Variants in OLFML2A observed in about 807,000 individuals in gnomAD.
OLFML2A encodes olfactomedin like 2A.
Under a neutral mutation model 60.9 loss-of-function variants are expected in OLFML2A, and 47 were observed. The ratio of observed to expected loss-of-function variants is 0.77; its 90% CI spans 0.61 to 0.98. OLFML2A has a LOEUF of 0.98. Ranked by LOEUF, OLFML2A falls within the 50% of genes least tolerant of loss-of-function variation. The pLI is 0.00. For missense variants in OLFML2A, 922 were observed against 879.8 expected (o/e 1.05, Z -0.61); for synonymous variants, 372 against 375.0 (o/e 0.99, Z 0.09).
At chr9:124,783,339 G>A (rs1841398347) in intron 1 of OLFML2A, among the ~76,000 whole-genome samples, 2 of 152,176 alleles carry the variant, frequency 1.3e-5, no homozygotes, top group South Asian at 4.1e-4. Context: ...GGACATGGTG[G>A]CACATGCCTG....
Position 124,786,856 on chromosome 9 carries a change from G to A in OLFML2A, c.91-119G>A, listed in dbSNP as rs1841483535. 1.0e-5 allele frequency: 10 copies of A among 973,228 alleles called. No individual in the cohort carries two copies. The South Asian group carries it at 1.2e-4, about 12-fold the overall frequency. The allele number at this position is 973,228 out of a possible 1,614,324, so 60.3% of individuals were successfully genotyped here. ...CCTCTAATTGCACCCCCTCCTACCT[G>A]CCAAACACTCTCATCCCAAGGCTGG... is the stretch of plus-strand genomic sequence containing the variant. On this transcript the variant is annotated intron_variant, in intron 1 of 7. Transcript: ENST00000373580.
intron 6 of OLFML2A, among the ~76,000 whole-genome samples, chr9:124,806,927 T>A (rs536563615): frequency 1.4e-4 from 21 of 151,864 alleles, no homozygotes; most frequent in East Asian, 1.9e-4. Flanking sequence ...TTATTTATTT[T>A]TTTTGAGGCG....
chr9:124,802,876 A>G (rs959774504), intron 5 of OLFML2A, among the ~76,000 whole-genome samples: 1 of 152,160 alleles, frequency 6.6e-6, no homozygotes, highest in African/African-American at 2.4e-5. Flanking sequence ...CATCATAGTA[A>G]TAACAGCACC....
intron 2 of OLFML2A, among the ~76,000 whole-genome samples, chr9:124,791,624 G>A (rs1484087181): frequency 1.3e-5 from 2 of 151,158 alleles, no homozygotes; most frequent in Non-Finnish European, 2.9e-5. Context: ...TATAATCCCA[G>A]CTACTTGGGA....
chr9:124,786,580 G>A (rs545541135), intron 1 of OLFML2A, among the ~76,000 whole-genome samples: 2 of 152,022 alleles, frequency 1.3e-5, no homozygotes, highest in African/African-American at 4.8e-5. Context: ...AATTAGCCGG[G>A]CGTGATGGCG....
chr9:124,779,547 T>TGG lies in OLFML2A; in HGVS notation c.90+2196_90+2197dup, dbSNP rs33992732. On this transcript the variant is annotated intron_variant, in intron 1 of 7. Transcript: ENST00000373580. The surrounding 1 kb of genome is among the most constrained non-coding windows in gnomAD (Gnocchi z 4.1). ...CTTGCTAGGTTGTGTGTGTGTGTGG[T>TGG]GGGGGGGGGGTGTTTAGCTGTCCCA... 6.6e-4 allele frequency among the ~76,000 whole-genome samples: 88 copies of TGG among 133,254 alleles called. No individual in the cohort carries two copies. In the South Asian group the frequency reaches 0.014, roughly 21 times the overall value. The allele number at this position is 133,254 out of a possible 152,430, so 87.4% of individuals were successfully genotyped here.
intron 6 of OLFML2A, among the ~76,000 whole-genome samples, chr9:124,806,561 T>C (rs561318900): frequency 6.6e-6 from 1 of 152,230 alleles, no homozygotes; most frequent in South Asian, 2.1e-4. Flanking sequence ...TACTCTCTGC[T>C]TTTATGAGTT....
chr9:124,807,864 T>C lies in OLFML2A; in HGVS notation c.1252T>C (p.Trp418Arg), dbSNP rs200971082. Reference sequence around the variant, plus strand: ...CAGCTATGGGCGCCACGAGGGAGCCTGGATGAAGGACCCTGCAGCTCGAGA... The same window carrying C: ...CAGCTATGGGCGCCACGAGGGAGCCCGGATGAAGGACCCTGCAGCTCGAGA... Reference protein sequence around the residue: ...HHSYGRHEGAWMKDPAARDDR... With the variant: ...HHSYGRHEGARMKDPAARDDR... The change falls in exon 7 of 8, where the codon TGG (tryptophan) becomes CGG (arginine). Residue 418 changes from tryptophan (W) to arginine (R), a missense_variant. Physicochemically the swap from Trp to Arg is moderately radical, Grantham distance 101. Coordinates refer to ENST00000373580, the MANE Select transcript of OLFML2A (RefSeq NM_182487.4). 26 of 1,614,010 alleles carry C rather than the reference T, an allele frequency of 1.6e-5. No homozygotes were observed. The highest frequency in any genetic ancestry group is 3.3e-5 in the Admixed American group (2 of 60,006).
intron 2 of OLFML2A, among the ~76,000 whole-genome samples, chr9:124,788,508 A>AGGCAG (rs1187047633): frequency 6.6e-6 from 1 of 152,178 alleles, no homozygotes; most frequent in Non-Finnish European, 1.5e-5. Flanking sequence ...TGGGAGGCTG[A>AGGCAG]GGCAGGAGAA....
At chr9:124,805,853 C>T (rs550280643) in intron 6 of OLFML2A, among the ~76,000 whole-genome samples, 8 of 115,068 alleles carry the variant, frequency 7.0e-5, no homozygotes, top group South Asian at 3.0e-4. Context: ...TCTGACTCTG[C>T]GGTCCAGGCT....
intron 2 of OLFML2A, among the ~76,000 whole-genome samples, chr9:124,790,288 G>A (rs1470163049): frequency 6.6e-6 from 1 of 151,992 alleles, no homozygotes; most frequent in Non-Finnish European, 1.5e-5. Flanking sequence ...TCTCATCTCA[G>A]CCTCCTGAGT....
chr9:124,800,638 C>A (rs988033383), intron 4 of OLFML2A, among the ~76,000 whole-genome samples: 1 of 152,246 alleles, frequency 6.6e-6, no homozygotes, highest in African/African-American at 2.4e-5. Context: ...AGCTAGGAAG[C>A]CTGTGCCTTG....
rs756904695 is a variant in OLFML2A at position 124,807,825 on chromosome 9, C to A, written c.1213C>A (p.Pro405Thr). ...CEGTLRAVDPPVRHHSYGRHE... is the reference protein window; with the variant it reads ...CEGTLRAVDPTVRHHSYGRHE... The stretch of plus-strand genomic sequence containing the variant: ...GGGCACCCTCCGGGCTGTGGACCCC[C>A]CTGTGAGGCACCACAGCTATGGGCG... Residue 405 changes from proline to threonine, a missense_variant, in exon 7 of 8, where the codon CCT (proline) becomes ACT (threonine). By Grantham distance (38) the Pro-to-Thr change is conservative. Transcript: ENST00000373580. The A allele has an allele frequency of 2.5e-6, 4 of 1,613,946 alleles. No individual in the cohort carries two copies. The highest frequency in any genetic ancestry group is 1.1e-5 in the South Asian group (1 of 91,086).
intron 1 of OLFML2A, among the ~76,000 whole-genome samples, chr9:124,785,558 C>T (rs1348459988): frequency 2.0e-5 from 3 of 151,828 alleles, no homozygotes; most frequent in Admixed American, 6.6e-5. Context: ...CCATCACGCC[C>T]GGCTAATTTT....
intron 7 of OLFML2A, among the ~76,000 whole-genome samples, chr9:124,809,136 C>T (rs1841954338): frequency 6.6e-6 from 1 of 152,036 alleles, no homozygotes; most frequent in African/African-American, 2.4e-5. Context: ...CACTGCACTC[C>T]AGCCTGGATG....
intron 2 of OLFML2A, among the ~76,000 whole-genome samples, chr9:124,792,289 G>A (rs920543231): frequency 6.6e-6 from 1 of 151,890 alleles, no homozygotes; most frequent in Non-Finnish European, 1.5e-5. Context: ...CACTGCCTCT[G>A]TCCCCTGATC....
At chr9:124,791,606 C>T (rs756726617) in intron 2 of OLFML2A, among the ~76,000 whole-genome samples, 6 of 151,806 alleles carry the variant, frequency 4.0e-5, no homozygotes, top group African/African-American at 4.8e-5. Context: ...AGTATGGTGG[C>T]GGGCACCTAT....
intron 5 of OLFML2A, 75 bp downstream of exon 5, chr9:124,801,738 AGT>A (rs1841783603): frequency 6.8e-7 from 1 of 1,471,476 alleles, no homozygotes; most frequent in African/African-American, 1.4e-5. Flanking sequence ...TCTTCTCTGC[AGT>A]GGGACCACCC....
At chr9:124,801,872 A>C (rs1216461087) in intron 5 of OLFML2A, among the ~76,000 whole-genome samples, 2 of 152,208 alleles carry the variant, frequency 1.3e-5, no homozygotes, top group Non-Finnish European at 2.9e-5. Context: ...AGGGCCACTC[A>C]GTGGCTTTTC....
Sources: gnomAD v4.1 joint callset for allele counts (sites outside exome capture counted in the v4.1 genomes callset) on GRCh38, gnomAD v4.1.1 for gene constraint, Gnocchi (gnomAD v3.1) non-coding constraint, MANE v1.5 for transcripts, NCBI Gene and HGNC (gene_info 2026-07-23, HGNC 2026-07-21) for gene names.